The following RBFOX1 variants were observed in gnomAD, a reference collection of about 807,000 sequenced individuals.
The protein encoded by RBFOX1 is RNA binding protein fox-1 homolog 1.
RBFOX1 carries 8 observed loss-of-function variants against 57.7 expected under a neutral mutation model. The ratio of observed to expected loss-of-function variants is 0.14; its 90% CI spans 0.08 to 0.25. RBFOX1 has a LOEUF of 0.25. Among genes scored for constraint, RBFOX1 ranks in the 10% least tolerant of loss-of-function variants. The probability of loss-of-function intolerance (pLI) is 1.00; values close to 1 mark genes in which losing one functional copy is unlikely to be tolerated. For missense variants in RBFOX1, 611 were observed against 548.5 expected (o/e 1.11, Z -1.14); for synonymous variants, 326 against 222.4 (o/e 1.47, Z -4.15).
At chr16:6,272,357 C>G (rs2075302977) in intron 1 of RBFOX1, among the ~76,000 whole-genome samples, 1 of 152,138 alleles carries the variant, frequency 6.6e-6, no homozygotes, top group African/African-American at 2.4e-5. Context: ...ATTAAAAATG[C>G]AATGTCATGT....
At chr16:5,397,270 T>C (rs2066585381) in intron 1 of RBFOX1, among the ~76,000 whole-genome samples, 1 of 152,196 alleles carries the variant, frequency 6.6e-6, no homozygotes, top group African/African-American at 2.4e-5. Context: ...GGTATCCTCT[T>C]GAACTCAGGT....
intron 2 of RBFOX1, among the ~76,000 whole-genome samples, chr16:6,558,646 A>T (rs2153900241): frequency 6.6e-6 from 1 of 152,230 alleles, no homozygotes; most frequent in East Asian, 1.9e-4. Context: ...ATTGTCCCTT[A>T]TAACCAAAGA....
chr16:7,034,692 C>T (rs1048411646), intron 3 of RBFOX1, among the ~76,000 whole-genome samples: 4 of 151,726 alleles, frequency 2.6e-5, no homozygotes, highest in African/African-American at 4.8e-5. Flanking sequence ...AGGAGACATT[C>T]GCCTTTCAGT....
chr16:6,647,604 T>G lies in RBFOX1; in HGVS notation c.-63-6999T>G, dbSNP rs1056485779. 2.0e-5 allele frequency among the ~76,000 whole-genome samples: 3 copies of G among 152,120 alleles called. No homozygotes were observed. The South Asian group carries it at 6.2e-4, about 32-fold the overall frequency. On this transcript the variant is annotated intron_variant, in intron 2 of 15. Transcript: ENST00000550418. ...CTTAATCACTTCCTTAGAGTTCCCA[T>G]CTCCAAATACAGCCACACTGAGGGT... is the stretch of plus-strand genomic sequence containing the variant.
chr16:7,132,028 G>C lies in RBFOX1; in HGVS notation c.27+79930G>C, dbSNP rs986872501. ...TTTTTTTTTTTTTGAGTGTCATTCT[G>C]TTACCCAGACTAGAGCGAAGTGGCA... On this transcript the variant is annotated intron_variant, in intron 4 of 15. Transcript: ENST00000550418. Among the ~76,000 whole-genome samples, 6 of 112,160 alleles carry C rather than the reference G, an allele frequency of 5.3e-5. No individual in the cohort carries two copies. In the Admixed American group the frequency reaches 6.2e-4, roughly 12 times the overall value. The allele number at this position is 112,160 out of a possible 152,430, so 73.6% of individuals were successfully genotyped here.
At chr16:7,403,452 T>G (rs1210265425) in intron 4 of RBFOX1, among the ~76,000 whole-genome samples, 1 of 152,216 alleles carries the variant, frequency 6.6e-6, no homozygotes, top group African/African-American at 2.4e-5. Context: ...TTTGAGTGTT[T>G]TAGATCCTGC....
At chr16:6,892,624 T>G (rs1290183067) in intron 3 of RBFOX1, among the ~76,000 whole-genome samples, 2 of 152,142 alleles carry the variant, frequency 1.3e-5, no homozygotes, top group Admixed American at 6.5e-5. Context: ...AAGGCAAGAT[T>G]GCACCACTGT....
chr16:6,242,280 C>T (rs1220049539), intron 1 of RBFOX1, among the ~76,000 whole-genome samples: 2 of 152,174 alleles, frequency 1.3e-5, no homozygotes, highest in African/African-American at 4.8e-5. Flanking sequence ...TCCAAGCTCA[C>T]TGCCTTTGCT....
intron 3 of RBFOX1, among the ~76,000 whole-genome samples, chr16:6,718,162 C>A (rs1282266499): frequency 6.6e-6 from 1 of 152,192 alleles, no homozygotes; most frequent in Admixed American, 6.5e-5. Flanking sequence ...ATGTCCCCAT[C>A]TTTTGCTTCC....
At chr16:7,061,034 G>C (rs970886743) in intron 4 of RBFOX1, among the ~76,000 whole-genome samples, 2 of 151,964 alleles carry the variant, frequency 1.3e-5, no homozygotes, top group Non-Finnish European at 2.9e-5. Flanking sequence ...GTGTGTGTGT[G>C]TGTGTACGTG....
chr16:7,137,411 G>C (rs763663514), intron 4 of RBFOX1, among the ~76,000 whole-genome samples: 3 of 152,110 alleles, frequency 2.0e-5, no homozygotes, highest in Admixed American at 1.3e-4. Context: ...TCGTGGTAGC[G>C]AGTAAGTCTG....
At chr16:7,500,042 C>T (rs1001126786) in intron 4 of RBFOX1, among the ~76,000 whole-genome samples, 2 of 152,146 alleles carry the variant, frequency 1.3e-5, no homozygotes, top group Non-Finnish European at 2.9e-5. Flanking sequence ...GTCAGCCAGG[C>T]CCTGCTGTAC....
chr16:6,082,356 T>TTTTTC (rs1431879273), intron 1 of RBFOX1, among the ~76,000 whole-genome samples: 1 of 131,834 alleles, frequency 7.6e-6, no homozygotes, highest in East Asian at 2.2e-4. Flanking sequence ...AATTTTTTTT[T>TTTTTC]TTTTTTTTTT....
At chr16:6,211,765 A>G (rs547624322) in intron 1 of RBFOX1, among the ~76,000 whole-genome samples, 7 of 152,256 alleles carry the variant, frequency 4.6e-5, no homozygotes, top group Admixed American at 2.0e-4. Context: ...GATTTTGTAC[A>G]TAAATGTGAA....
intron 4 of RBFOX1, among the ~76,000 whole-genome samples, chr16:7,059,200 T>C (rs142667808): frequency 3.5e-4 from 54 of 152,304 alleles, no homozygotes; most frequent in African/African-American, 1.1e-3. Flanking sequence ...TCCCGCTGTG[T>C]CTCACCCCTC....
intron 1 of RBFOX1, among the ~76,000 whole-genome samples, chr16:6,231,379 A>G (rs1346449003): frequency 6.6e-6 from 1 of 152,018 alleles, no homozygotes; most frequent in Non-Finnish European, 1.5e-5. Context: ...AGCTCTTCTC[A>G]TTTTCTTAAA....
At chr16:7,309,819 G>T (rs114529432) in intron 4 of RBFOX1, among the ~76,000 whole-genome samples, 1,546 of 152,300 alleles carry the variant, frequency 0.01, 27 homozygotes, top group African/African-American at 0.036. Context: ...TGGGTGATGA[G>T]CAGCACATGT....
intron 2 of RBFOX1, among the ~76,000 whole-genome samples, chr16:6,490,044 T>C (rs2095596787): frequency 6.6e-6 from 1 of 152,216 alleles, no homozygotes; most frequent in Admixed American, 6.5e-5. Flanking sequence ...TGGGTGATGG[T>C]GGATGTGAGT....
chr16:5,491,441 A>C (rs1000575750), intron 2 of RBFOX1, among the ~76,000 whole-genome samples: 1 of 152,244 alleles, frequency 6.6e-6, no homozygotes, highest in Non-Finnish European at 1.5e-5. Context: ...GAATGCATAC[A>C]TATATTCACC....
Sources: gnomAD v4.1 joint callset for allele counts (sites outside exome capture counted in the v4.1 genomes callset) on GRCh38, gnomAD v4.1.1 for gene constraint, MANE v1.5 for transcripts, NCBI Gene and HGNC (gene_info 2026-07-23, HGNC 2026-07-21) for gene names.